Variants in ALMS1 observed in about 807,000 individuals in gnomAD.
ALMS1 encodes centrosome-associated protein ALMS1.
ALMS1 carries 271 observed loss-of-function variants against 352.2 expected under a neutral mutation model. The ratio of observed to expected loss-of-function variants is 0.77; its 90% CI spans 0.70 to 0.85. The LOEUF is 0.85. ALMS1 is among the 40% of genes least tolerant of loss of function. The probability of loss-of-function intolerance (pLI) is 0.00; values close to 1 mark genes in which losing one functional copy is unlikely to be tolerated. For missense variants in ALMS1, 5,445 were observed against 4,870.7 expected, an observed-to-expected ratio of 1.12 and a Z score of -3.51; for synonymous variants, 1,865 against 1,761.2, an observed-to-expected ratio of 1.06 and a Z score of -1.48.
intron 1 of ALMS1, among the ~76,000 whole-genome samples, chr2:73,387,881 A>G (rs1463455485): frequency 3.3e-5 from 5 of 152,202 alleles, no homozygotes; most frequent in African/African-American, 4.8e-5. Context: ...ATACAGGGAA[A>G]AGTGGACTGA....
At chr2:73,463,314 A>G (rs1022276439) in intron 9 of ALMS1, among the ~76,000 whole-genome samples, 1 of 152,250 alleles carries the variant, frequency 6.6e-6, no homozygotes, top group Admixed American at 6.5e-5. Flanking sequence ...AAACCGCTCA[A>G]CTACCTGGAA....
Position 73,385,863 on chromosome 2 carries a change from A to C in ALMS1, c.-6A>C. ...CCTCCTCTGCCGCCCAGAGCGAGAC[A>C]CCAACATGGAGCCCGAGGATCTGCC... is the stretch of plus-strand genomic sequence containing the variant. On this transcript the variant is annotated 5_prime_UTR_variant, in exon 1 of 23. Transcript: ENST00000613296. 1.4e-6 allele frequency: 1 copy of C among 728,170 alleles called. No homozygotes were observed. The highest frequency in any genetic ancestry group is 1.5e-5 in the South Asian group (1 of 67,106). The allele number at this position is 728,170 out of a possible 1,614,324, so 45.1% of individuals were successfully genotyped here.
At chr2:73,396,303 T>TACACACACACACACAC (rs757567739) in intron 1 of ALMS1, among the ~76,000 whole-genome samples, 1 of 144,068 alleles carries the variant, frequency 6.9e-6, no homozygotes, top group Non-Finnish European at 1.5e-5. Context: ...GTCATAGAAA[T>TACACACACACACACAC]ACACACACAC....
intron 12 of ALMS1, among the ~76,000 whole-genome samples, chr2:73,543,569 A>C (rs528659933): frequency 6.6e-6 from 1 of 152,282 alleles, no homozygotes; most frequent in East Asian, 1.9e-4. Context: ...TACCATCAGA[A>C]TGAACAGGCA....
chr2:73,426,367 A>T (rs1671378523), intron 5 of ALMS1, 86 bp from the exon 6 acceptor site: 12 of 1,331,404 alleles, frequency 9.0e-6, no homozygotes, highest in Admixed American at 1.7e-5. Flanking sequence ...AAGCTGATAT[A>T]GGCCAAGGTG....
intron 2 of ALMS1, among the ~76,000 whole-genome samples, chr2:73,409,085 CA>C (rs1402249972): frequency 1.3e-5 from 2 of 151,798 alleles, no homozygotes; most frequent in African/African-American, 2.4e-5. Flanking sequence ...CTTTGTTGCC[CA>C]GGCTGGTCTT....
rs755895023 is a variant in ALMS1 at position 73,453,369 on chromosome 2, C to G, written c.6842C>G (p.Ala2281Gly). 1 of 1,613,858 alleles carries G rather than the reference C, an allele frequency of 6.2e-7. No individual in the cohort carries two copies. The highest frequency in any genetic ancestry group is 2.2e-5 in the East Asian group (1 of 44,868). Residue 2281 changes from alanine to glycine, a missense_variant, in exon 8 of 23, where the codon GCT becomes GGT. By Grantham distance (60) the Ala-to-Gly change is moderately conservative (BLOSUM62 0). Transcript: ENST00000613296. ...GCACTGAAACGATGCAATTTTCCTG[C>G]TCCCCTTGCCCGTTTCAGAGATATT... Reference protein sequence around the residue: ...NMALKRCNFPAPLARFRDISD... With the variant: ...NMALKRCNFPGPLARFRDISD...
chr2:73,607,504 G>A (rs1038712965), intron 21 of ALMS1, among the ~76,000 whole-genome samples: 17 of 151,910 alleles, frequency 1.1e-4, no homozygotes, highest in African/African-American at 3.9e-4. Flanking sequence ...ACCCCCATCT[G>A]TTTCCCACCT....
intron 2 of ALMS1, among the ~76,000 whole-genome samples, chr2:73,410,391 A>G (rs10179134): frequency 0.3 from 45,592 of 151,988 alleles, 8,458 homozygotes; most frequent in African/African-American, 0.53. Flanking sequence ...TTGTCTCAAA[A>G]AAAAGCAAAA....
rs1206115857 is a variant in ALMS1 at position 73,489,520 on chromosome 2, A to G, written c.7675-114A>G. ...TCCTGTTATATTATAAAAGAATGAC[A>G]TGACCTTCATGGTCTAATCTTAGCG... On this transcript the variant is annotated intron_variant, in intron 9 of 22. Transcript: ENST00000613296. 22 of 1,206,760 alleles carry G rather than the reference A, an allele frequency of 1.8e-5. No individual in the cohort carries two copies. In the East Asian group the frequency reaches 4.0e-4, roughly 22 times the overall value. 74.8% of individuals were successfully genotyped at this position (1,206,760 alleles called of 1,614,324 possible). A position where few individuals can be genotyped will look rare whatever the true frequency, so the allele number is the denominator to read the frequency against.
Position 73,534,672 on chromosome 2 carries a change from A to G in ALMS1, c.9782-152A>G, listed in dbSNP as rs922806561. On this transcript the variant is annotated intron_variant, in intron 11 of 22. Transcript: ENST00000613296. Reference sequence around the variant, plus strand: ...TATATTTTCCTCCTCTAGAATTCTCATTCTTCTTGAAGGCAGAGATACATT... The same window carrying G: ...TATATTTTCCTCCTCTAGAATTCTCGTTCTTCTTGAAGGCAGAGATACATT... The G allele has an allele frequency of 3.7e-5, 27 of 734,620 alleles. No individual in the cohort carries two copies. The East Asian group carries it at 3.8e-4, about 10-fold the overall frequency. The allele number at this position is 734,620 out of a possible 1,614,324, so 45.5% of individuals were successfully genotyped here. A position where few individuals can be genotyped will look rare whatever the true frequency, so the allele number is the denominator to read the frequency against.
chr2:73,447,654 C>T (rs1671833691), intron 7 of ALMS1, among the ~76,000 whole-genome samples: 1 of 152,112 alleles, frequency 6.6e-6, no homozygotes, highest in African/African-American at 2.4e-5. Context: ...AAATCCTAGA[C>T]CCAATAGCAT....
Position 73,601,372 on chromosome 2 carries a change from T to C in ALMS1, c.12050T>C (p.Leu4017Pro), listed in dbSNP as rs1261104323. 6.2e-7 allele frequency: 1 copy of C among 1,614,132 alleles called. No individual in the cohort carries two copies. The highest frequency in any genetic ancestry group is 1.1e-5 in the South Asian group (1 of 91,090). The change falls in exon 19 of 23, where the codon CTG becomes CCG. Residue 4017 changes from leucine (L) to proline (P), a missense_variant. Coordinates refer to ENST00000613296, the MANE Select transcript of ALMS1 (RefSeq NM_001378454.1). ...CAGCACCTGGACGGTCGGGGCTACC[T>C]GGCAGGCCCAGGCAGAGAGGCTGGC... ...QGQHLDGRGYLAGPGREAGRD... is the reference protein window; with the variant it reads ...QGQHLDGRGYPAGPGREAGRD...
chr2:73,425,811 G>A (rs1446666642), intron 5 of ALMS1, among the ~76,000 whole-genome samples: 1 of 152,128 alleles, frequency 6.6e-6, no homozygotes, highest in African/African-American at 2.4e-5. Context: ...CAAAACCATT[G>A]TTGCATAAAA....
Position 73,450,117 on chromosome 2 carries a change from A to T in ALMS1, c.3590A>T (p.Lys1197Ile). Residue 1197 changes from lysine (K) to isoleucine (I), a missense_variant, in exon 8 of 23, where the codon AAA becomes ATA. Transcript: ENST00000613296. ...TCTACCTTCTACTCACAAAGAGAGA[A>T]ACCTGGTATTTTCTATCAACAGACC... The part of the protein sequence containing the change: ...VLSTFYSQRE[K>I]PGIFYQQTLP... 1 of 1,614,068 alleles carries T rather than the reference A, an allele frequency of 6.2e-7. No individual in the cohort carries two copies. Among genetic ancestry groups the T allele is most frequent in the Non-Finnish European group, 8.5e-7 (1 of 1,179,980 alleles).
At chr2:73,601,056 C>A in intron 18 of ALMS1, 139 bp from the exon 19 acceptor site, 2 of 1,464,750 alleles carry the variant, frequency 1.4e-6, no homozygotes, top group Non-Finnish European at 1.9e-6. Context: ...TGCAGCAAAA[C>A]CAGACTCAAG....
intron 16 of ALMS1, among the ~76,000 whole-genome samples, chr2:73,585,751 G>C (rs1350342453): frequency 1.1e-5 from 1 of 89,828 alleles, no homozygotes; most frequent in East Asian, 2.8e-4. Context: ...TCCCCGAGAC[G>C]GAGTCTCGCT....
rs528972118 is a variant in ALMS1 at position 73,438,340 on chromosome 2, G to T, written c.1432+6049G>T. On this transcript the variant is annotated intron_variant, in intron 7 of 22. Coordinates refer to ENST00000613296, the MANE Select transcript of ALMS1 (RefSeq NM_001378454.1). ...AACTGCCAAGCTTCATTTCAAATTGGCTCCAAAGTATGAGTCAAGATAATT... is the reference window on the plus strand; with the variant it reads ...AACTGCCAAGCTTCATTTCAAATTGTCTCCAAAGTATGAGTCAAGATAATT... Among the ~76,000 whole-genome samples the T allele has an allele frequency of 2.0e-5, 3 of 152,200 alleles. No homozygotes were observed. The South Asian group carries it at 6.2e-4, about 32-fold the overall frequency.
intron 16 of ALMS1, among the ~76,000 whole-genome samples, chr2:73,577,670 T>G (rs1475575662): frequency 1.3e-5 from 2 of 152,196 alleles, no homozygotes; most frequent in East Asian, 3.8e-4. Flanking sequence ...CTTTGACCAT[T>G]GACTGTTTAG....
Sources: gnomAD v4.1 joint callset for allele counts (sites outside exome capture counted in the v4.1 genomes callset) on GRCh38, gnomAD v4.1.1 for gene constraint, MANE v1.5 for transcripts, NCBI Gene and HGNC (gene_info 2026-07-23, HGNC 2026-07-21) for gene names.